CPEB4: variants seen among roughly 807,000 people sequenced by gnomAD.
The protein encoded by CPEB4 is cytoplasmic polyadenylation element binding protein 4, also known as cytoplasmic polyadenylation element-binding protein 4.
Under a neutral mutation model 72.5 loss-of-function variants are expected in CPEB4, and 12 were observed. That is an observed-to-expected ratio of 0.17 (90% confidence interval 0.11 to 0.27). The LOEUF is 0.27. CPEB4 is among the 10% of genes least tolerant of loss of function. The pLI is 1.00. For synonymous variants in CPEB4, 302 were observed against 326.3 expected (o/e 0.93, Z 0.80); for missense variants, 614 against 908.5 (o/e 0.68, Z 4.17).
Position 173,895,835 on chromosome 5 carries a change from C to G in CPEB4, c.1125+4977C>G, listed in dbSNP as rs151263143. Among the ~76,000 whole-genome samples the G allele has an allele frequency of 7.0e-3, 1,068 of 151,762 alleles. 6 individuals are homozygous for G. The highest frequency in any genetic ancestry group is 0.019 in the African/African-American group (799 of 41,446). On this transcript the variant is annotated intron_variant, in intron 1 of 9. Transcript: ENST00000265085. The stretch of plus-strand genomic sequence containing the variant: ...TCCAGGGTAGAGTTTTTTTCTTTTT[C>G]TTTTTCTATCTTCAGAGAAGCCATC...
intron 7 of CPEB4, among the ~76,000 whole-genome samples, chr5:173,951,445 G>T (rs890925924): frequency 1.3e-5 from 2 of 152,110 alleles, no homozygotes; most frequent in Non-Finnish European, 2.9e-5. Context: ...CACAATTCTT[G>T]TTTACTTAGT....
chr5:173,899,601 G>A lies in CPEB4; in HGVS notation c.1125+8743G>A, dbSNP rs572492184. 9.9e-5 allele frequency among the ~76,000 whole-genome samples: 15 copies of A among 152,258 alleles called. No individual in the cohort carries two copies. In the East Asian group the frequency reaches 2.3e-3, roughly 24 times the overall value. On this transcript the variant is annotated intron_variant, in intron 1 of 9. Transcript: ENST00000265085. ...TCGAAATTTGGGAGGAGAGTATACC[G>A]TTTTCCTCCCTTCATCTTATCCTTT...
At chr5:173,919,683 T>A (rs1305408367) in intron 2 of CPEB4, among the ~76,000 whole-genome samples, 1 of 152,202 alleles carries the variant, frequency 6.6e-6, no homozygotes, top group Non-Finnish European at 1.5e-5. Context: ...ATTTGCTGAC[T>A]TTGGGGGAGG....
intron 3 of CPEB4, among the ~76,000 whole-genome samples, chr5:173,938,679 G>A (rs977131581): frequency 2.0e-5 from 3 of 152,124 alleles, no homozygotes; most frequent in Non-Finnish European, 2.9e-5. Context: ...AATAGGATCC[G>A]TTTTTTCATT....
chr5:173,890,003 C>G lies in CPEB4; in HGVS notation c.270C>G (p.Pro90=). The G allele has an allele frequency of 6.2e-7, 1 of 1,614,204 alleles. No homozygotes were observed. The highest frequency in any genetic ancestry group is 8.5e-7 in the Non-Finnish European group (1 of 1,180,040). Reference sequence around the variant, plus strand: ...GTCAGCAACAGGAACAGCAAGACCCCTTAGAAAAGCAGCAGCTTTCCCCAA... The same window carrying G: ...GTCAGCAACAGGAACAGCAAGACCCGTTAGAAAAGCAGCAGCTTTCCCCAA... The part of the protein sequence containing the change: ...AKSQQQEQQD[P]LEKQQLSPSP... Residue 90 remains proline (P), a synonymous_variant, in exon 1 of 10, where the codon CCC becomes CCG. Transcript: ENST00000265085.
At chr5:173,925,543 A>C (rs1052676697) in intron 2 of CPEB4, among the ~76,000 whole-genome samples, 2 of 152,218 alleles carry the variant, frequency 1.3e-5, no homozygotes, top group African/African-American at 4.8e-5. Flanking sequence ...GAACATATTG[A>C]ATGCTGTTTT....
chr5:173,891,972 TAAAA>T (rs554397380), intron 1 of CPEB4, among the ~76,000 whole-genome samples: 2 of 144,538 alleles, frequency 1.4e-5, no homozygotes, highest in African/African-American at 5.1e-5. Context: ...AATTCTAAGT[TAAAA>T]AAAAAAACAA....
chr5:173,913,628 A>G (rs1389829742), intron 2 of CPEB4, among the ~76,000 whole-genome samples: 1 of 152,146 alleles, frequency 6.6e-6, no homozygotes, highest in Non-Finnish European at 1.5e-5. Flanking sequence ...CCTTTATTCT[A>G]TATTCTCTTT....
At chr5:173,948,883 T>A (rs1289771263) in intron 5 of CPEB4, among the ~76,000 whole-genome samples, 1 of 152,132 alleles carries the variant, frequency 6.6e-6, no homozygotes, top group Non-Finnish European at 1.5e-5. Context: ...TCTACCCCCA[T>A]GACCTAATCA....
intron 1 of CPEB4, among the ~76,000 whole-genome samples, chr5:173,901,715 A>G (rs1205186630): frequency 6.6e-6 from 1 of 152,350 alleles, no homozygotes. Flanking sequence ...AATAAATGAC[A>G]GTACTGACTT....
chr5:173,896,907 A>G (rs953161225), intron 1 of CPEB4, among the ~76,000 whole-genome samples: 1 of 152,212 alleles, frequency 6.6e-6, no homozygotes, highest in Non-Finnish European at 1.5e-5. Flanking sequence ...GAAAAAATAC[A>G]AAACACTTTT....
At chr5:173,927,405 T>C (rs1001687054) in intron 2 of CPEB4, among the ~76,000 whole-genome samples, 6 of 152,228 alleles carry the variant, frequency 3.9e-5, no homozygotes, top group Non-Finnish European at 7.3e-5. Context: ...GTAAGAAGGT[T>C]AGCCAGAAGC....
chr5:173,937,239 T>G (rs1337198896), intron 3 of CPEB4, among the ~76,000 whole-genome samples: 1 of 151,998 alleles, frequency 6.6e-6, no homozygotes, highest in Non-Finnish European at 1.5e-5. Context: ...GATGGGGTTT[T>G]ACAATGTTGG....
chr5:173,938,741 G>A (rs778715516), intron 3 of CPEB4, among the ~76,000 whole-genome samples: 8 of 152,120 alleles, frequency 5.3e-5, no homozygotes, highest in Non-Finnish European at 1.0e-4. Context: ...AGTCCTATTC[G>A]TGACAGAATT....
chr5:173,947,708 G>C (rs1758076027), intron 5 of CPEB4, among the ~76,000 whole-genome samples: 1 of 152,178 alleles, frequency 6.6e-6, no homozygotes, highest in Admixed American at 6.5e-5. Flanking sequence ...TTATAAATTT[G>C]TGTTTGGGCG....
intron 4 of CPEB4, among the ~76,000 whole-genome samples, chr5:173,944,042 ACT>A (rs1189444429): frequency 6.6e-6 from 1 of 152,194 alleles, no homozygotes; most frequent in African/African-American, 2.4e-5. Context: ...ATATGGAAAG[ACT>A]GTTACACATA....
At chr5:173,913,093 T>C (rs1756725380) in intron 2 of CPEB4, among the ~76,000 whole-genome samples, 2 of 152,074 alleles carry the variant, frequency 1.3e-5, no homozygotes, top group African/African-American at 4.8e-5. Context: ...ACAGAAAATA[T>C]AGGTTACAAA....
intron 8 of CPEB4, 88 bp downstream of exon 8, chr5:173,952,026 T>A: frequency 1.1e-6 from 1 of 876,228 alleles, no homozygotes; most frequent in Non-Finnish European, 1.9e-6. Context: ...GAATTGGAGT[T>A]AATATCCAAG....
chr5:173,940,959 A>G (rs1757816578), intron 3 of CPEB4, among the ~76,000 whole-genome samples: 1 of 152,232 alleles, frequency 6.6e-6, no homozygotes, highest in South Asian at 2.1e-4. Context: ...GAGAGTGTAC[A>G]TTTGAAGATT....
Sources: gnomAD v4.1 joint callset for allele counts (sites outside exome capture counted in the v4.1 genomes callset) on GRCh38, gnomAD v4.1.1 for gene constraint, MANE v1.5 for transcripts, NCBI Gene and HGNC (gene_info 2026-07-23, HGNC 2026-07-21) for gene names.